Variants in ST6GALNAC3 observed in about 807,000 individuals in gnomAD.
The protein encoded by ST6GALNAC3 is alpha-N-acetylgalactosaminide alpha-2,6-sialyltransferase 3.
A neutral mutation model predicts 32.7 loss-of-function variants in ST6GALNAC3; 25 were observed. That is an observed-to-expected ratio of 0.76 (90% CI 0.56 to 1.07). ST6GALNAC3 has a LOEUF of 1.07. Among genes scored for constraint, ST6GALNAC3 ranks in the 50% least tolerant of loss-of-function variants. The pLI, the probability that ST6GALNAC3 is intolerant of heterozygous loss-of-function variation, is 0.00. For missense variants in ST6GALNAC3, 355 were observed against 382.4 expected, an observed-to-expected ratio of 0.93 and a Z score of 0.60; for synonymous variants, 129 against 133.1, an observed-to-expected ratio of 0.97 and a Z score of 0.21.
chr1:76,398,579 T>C (rs1653165426), intron 2 of ST6GALNAC3, among the ~76,000 whole-genome samples: 1 of 152,170 alleles, frequency 6.6e-6, no homozygotes, highest in African/African-American at 2.4e-5. Flanking sequence ...TTTACTGATG[T>C]TGTTTATTTG....
At chr1:76,171,088 G>GGTGTGTGTGT (rs71071988) in intron 1 of ST6GALNAC3, among the ~76,000 whole-genome samples, 12,280 of 149,364 alleles carry the variant, frequency 0.082, 602 homozygotes, top group Non-Finnish European at 0.11. Context: ...CATTGAGAGG[G>GGTGTGTGTGT]GTGTGTGTGT....
At chr1:76,140,797 ATTTTTT>A (rs3042284) in intron 1 of ST6GALNAC3, among the ~76,000 whole-genome samples, 3 of 120,416 alleles carry the variant, frequency 2.5e-5, no homozygotes, top group East Asian at 2.3e-4. Context: ...TAATTTTCTA[ATTTTTT>A]TTTTTTTTTT....
At chr1:76,162,698 T>C (rs976351188) in intron 1 of ST6GALNAC3, among the ~76,000 whole-genome samples, 1 of 152,152 alleles carries the variant, frequency 6.6e-6, no homozygotes, top group Non-Finnish European at 1.5e-5. Flanking sequence ...CTAATGGATG[T>C]ATAACCATAA....
At chr1:76,144,683 G>A (rs955047774) in intron 1 of ST6GALNAC3, among the ~76,000 whole-genome samples, 8 of 152,148 alleles carry the variant, frequency 5.3e-5, no homozygotes, top group East Asian at 1.9e-4. Flanking sequence ...TACTCTCCCC[G>A]CTTCCCCTAA....
At chr1:76,541,777 G>T (rs949677086) in intron 3 of ST6GALNAC3, among the ~76,000 whole-genome samples, 1 of 152,200 alleles carries the variant, frequency 6.6e-6, no homozygotes. Flanking sequence ...GGACAGTGAA[G>T]ATTTTCTGAG....
intron 1 of ST6GALNAC3, among the ~76,000 whole-genome samples, chr1:76,141,448 C>G (rs1479082055): frequency 6.6e-6 from 1 of 152,078 alleles, no homozygotes; most frequent in Non-Finnish European, 1.5e-5. Context: ...CCTGCAAGTC[C>G]CCATTAAGTG....
At chr1:76,549,411 TG>T (rs1664491188) in intron 3 of ST6GALNAC3, among the ~76,000 whole-genome samples, 1 of 151,770 alleles carries the variant, frequency 6.6e-6, no homozygotes, top group African/African-American at 2.4e-5. Flanking sequence ...GGCATTATTT[TG>T]CAGGTTTTCA....
At chr1:76,338,162 G>A (rs1277224977) in intron 2 of ST6GALNAC3, among the ~76,000 whole-genome samples, 3 of 152,186 alleles carry the variant, frequency 2.0e-5, no homozygotes, top group African/African-American at 7.2e-5. Context: ...CATAGGGAAA[G>A]TATTACTCTT....
At chr1:76,155,799 C>A (rs1360125497) in intron 1 of ST6GALNAC3, among the ~76,000 whole-genome samples, 5 of 152,112 alleles carry the variant, frequency 3.3e-5, no homozygotes, top group African/African-American at 1.2e-4. Context: ...CATATAGTTT[C>A]TCCTGTTGTT....
At chr1:76,544,409 A>T (rs971843989) in intron 3 of ST6GALNAC3, among the ~76,000 whole-genome samples, 6 of 152,172 alleles carry the variant, frequency 3.9e-5, no homozygotes, top group African/African-American at 1.4e-4. Flanking sequence ...AATTGAAATG[A>T]CATTTCAGTG....
At chr1:76,373,367 A>G (rs12133165) in intron 2 of ST6GALNAC3, among the ~76,000 whole-genome samples, 48,113 of 152,124 alleles carry the variant, frequency 0.32, 8,712 homozygotes, top group Middle Eastern at 0.43. Context: ...ACAAGTTAAT[A>G]TATGTAAGGC....
intron 3 of ST6GALNAC3, among the ~76,000 whole-genome samples, chr1:76,496,660 A>G (rs377626871): frequency 6.6e-6 from 1 of 152,090 alleles, no homozygotes; most frequent in Non-Finnish European, 1.5e-5. Context: ...GAGGACACCC[A>G]TCTCAAAAAG....
At chr1:76,562,577 G>A (rs1438220422) in intron 3 of ST6GALNAC3, among the ~76,000 whole-genome samples, 1 of 152,118 alleles carries the variant, frequency 6.6e-6, no homozygotes, top group African/African-American at 2.4e-5. Flanking sequence ...AACACCCAGA[G>A]CCAAACGTCT....
intron 1 of ST6GALNAC3, among the ~76,000 whole-genome samples, chr1:76,133,176 T>C (rs905964685): frequency 5.9e-5 from 9 of 152,192 alleles, no homozygotes; most frequent in Admixed American, 3.9e-4. Context: ...ACCAGGTAGC[T>C]TGGGACTCTC....
intron 1 of ST6GALNAC3, among the ~76,000 whole-genome samples, chr1:76,157,383 T>C (rs906047680): frequency 2.6e-5 from 4 of 152,212 alleles, no homozygotes; most frequent in Non-Finnish European, 5.9e-5. Context: ...TGTCATGCAT[T>C]TATTTAGTTG....
intron 3 of ST6GALNAC3, among the ~76,000 whole-genome samples, chr1:76,598,103 C>T (rs1037024443): frequency 3.3e-5 from 5 of 152,132 alleles, no homozygotes; most frequent in African/African-American, 4.8e-5. Context: ...ACAGCATCTT[C>T]TTGCTGTGCC....
chr1:76,504,815 T>A (rs1661375778), intron 3 of ST6GALNAC3, among the ~76,000 whole-genome samples: 1 of 152,226 alleles, frequency 6.6e-6, no homozygotes, highest in Admixed American at 6.5e-5. Context: ...TCTATTAGTG[T>A]CAATACTAGG....
intron 1 of ST6GALNAC3, among the ~76,000 whole-genome samples, chr1:76,113,500 A>C (rs1476008578): frequency 7.6e-6 from 1 of 131,746 alleles, no homozygotes; most frequent in Non-Finnish European, 1.7e-5. Context: ...GTTCTTACAT[A>C]CTTTTTTTTG....
At chr1:76,386,265 C>G (rs1178122104) in intron 2 of ST6GALNAC3, among the ~76,000 whole-genome samples, 1 of 152,062 alleles carries the variant, frequency 6.6e-6, no homozygotes, top group Non-Finnish European at 1.5e-5. Flanking sequence ...GTTTGATTCA[C>G]TAGATATGTA....
Sources: allele counts gnomAD v4.1 joint callset (sites outside exome capture counted in the v4.1 genomes callset), GRCh38; gene constraint gnomAD v4.1.1; transcripts MANE v1.5; gene names NCBI Gene and HGNC (gene_info 2026-07-23, HGNC 2026-07-21).